The following RPS6KA2 variants were observed in gnomAD, a reference collection of about 807,000 sequenced individuals.
The protein encoded by RPS6KA2 is ribosomal protein S6 kinase A2.
Under a neutral mutation model 91.8 loss-of-function variants are expected in RPS6KA2, and 42 were observed. The observed-to-expected ratio is 0.46, with a 90% confidence interval of 0.36 to 0.59. RPS6KA2 has a LOEUF of 0.59. Ranked by LOEUF, RPS6KA2 falls within the 20% of genes least tolerant of loss-of-function variation. The probability of loss-of-function intolerance (pLI) is 0.00; values close to 1 mark genes in which losing one functional copy is unlikely to be tolerated. For missense variants in RPS6KA2, 798 were observed against 978.5 expected (o/e 0.82, Z 2.46); for synonymous variants, 414 against 393.6 (o/e 1.05, Z -0.61).
At chr6:166,531,740 AAG>A (rs1476051070) in intron 2 of RPS6KA2, among the ~76,000 whole-genome samples, 6,360 of 152,226 alleles carry the variant, frequency 0.042, 431 homozygotes, top group African/African-American at 0.15. Context: ...TTTTCAAGAA[AAG>A]CTACTTTCTC....
rs1396652609 is a variant in RPS6KA2 at position 166,441,238 on chromosome 6, TTC to T, written c.1332+7484_1332+7485del. ...GGCCTCTGTGCCTGTGAACGCTCCT[TTC>T]TCTGTTTCCACTGTGGCTGTGAAGG... On this transcript the variant is annotated intron_variant, in intron 14 of 20. Coordinates refer to ENST00000265678, the MANE Select transcript of RPS6KA2 (RefSeq NM_021135.6). 4.6e-5 allele frequency among the ~76,000 whole-genome samples: 7 copies of T among 152,312 alleles called. No individual in the cohort carries two copies. The East Asian group carries it at 1.2e-3, about 25-fold the overall frequency.
chr6:166,501,509 C>A (rs533023229), intron 6 of RPS6KA2, among the ~76,000 whole-genome samples: 2 of 152,342 alleles, frequency 1.3e-5, no homozygotes, highest in Admixed American at 6.5e-5. Context: ...GGCACCCCTG[C>A]GGGCCACTGG....
chr6:166,652,198 G>T (rs991370625), intron 2 of RPS6KA2, among the ~76,000 whole-genome samples: 1 of 152,190 alleles, frequency 6.6e-6, no homozygotes, highest in East Asian at 1.9e-4. Context: ...AGCCATTCGC[G>T]GGTATTATAT....
intron 2 of RPS6KA2, among the ~76,000 whole-genome samples, chr6:166,756,709 G>GC (rs1778019413): frequency 6.6e-6 from 1 of 152,186 alleles, no homozygotes; most frequent in Non-Finnish European, 1.5e-5. Flanking sequence ...AGCCAGGCAT[G>GC]GTGGCGCATG....
intron 11 of RPS6KA2, among the ~76,000 whole-genome samples, chr6:166,460,350 G>A (rs1458345132): frequency 1.3e-5 from 2 of 152,240 alleles, no homozygotes; most frequent in Non-Finnish European, 2.9e-5. Flanking sequence ...AGGGCAACAA[G>A]GCATTCTGTT....
chr6:166,422,807 G>A (rs867484856), intron 17 of RPS6KA2, among the ~76,000 whole-genome samples: 7 of 152,120 alleles, frequency 4.6e-5, no homozygotes, highest in South Asian at 4.1e-4. Context: ...TGCTGCTGTC[G>A]GGGAACCAAT....
At chr6:166,813,431 T>C (rs1468717328) in intron 2 of RPS6KA2, among the ~76,000 whole-genome samples, 1 of 152,208 alleles carries the variant, frequency 6.6e-6, no homozygotes, top group Non-Finnish European at 1.5e-5. Context: ...CATTTTATGA[T>C]TTGTTTTCCG....
At chr6:166,708,407 A>T (rs60986945) in intron 2 of RPS6KA2, among the ~76,000 whole-genome samples, 3,376 of 152,338 alleles carry the variant, frequency 0.022, 124 homozygotes, top group African/African-American at 0.077. Flanking sequence ...CACTTTTAAG[A>T]ATAGTTAACC....
In RPS6KA2 at chr6:166,555,806, C is replaced by T. The variant is rs370168422; in HGVS notation, c.100-17022G>A. On this transcript the variant is annotated intron_variant, in intron 1 of 20. Transcript: ENST00000265678. ...TACCCAGATAGGTCCTTCATCTGGG[C>T]GTCATCAGAGAGGTGGGCTGCTGTC... 5.5e-4 allele frequency among the ~76,000 whole-genome samples: 84 copies of T among 152,194 alleles called. 1 individual carries two copies. The highest frequency in any genetic ancestry group is 1.7e-3 in the African/African-American group (70 of 41,504).
chr6:166,458,412 G>A (rs1270147869), intron 12 of RPS6KA2, among the ~76,000 whole-genome samples: 1 of 152,152 alleles, frequency 6.6e-6, no homozygotes, highest in Non-Finnish European at 1.5e-5. Context: ...CTTCTGCCAC[G>A]ATTGTGAGGC....
At chr6:166,530,768 G>T (rs1462607972) in intron 3 of RPS6KA2, among the ~76,000 whole-genome samples, 2 of 152,270 alleles carry the variant, frequency 1.3e-5, no homozygotes, top group Non-Finnish European at 2.9e-5. Flanking sequence ...CTTGCAGGAT[G>T]GGCGTGCAGA....
chr6:166,499,558 A>G (rs1227392670), intron 7 of RPS6KA2, among the ~76,000 whole-genome samples: 1 of 152,170 alleles, frequency 6.6e-6, no homozygotes, highest in East Asian at 1.9e-4. Context: ...AAGACTCACG[A>G]GATCTGATGG....
chr6:166,503,491 C>T (rs915780295), intron 6 of RPS6KA2, among the ~76,000 whole-genome samples: 1 of 152,172 alleles, frequency 6.6e-6, no homozygotes, highest in African/African-American at 2.4e-5. Context: ...ACCCCAGGGC[C>T]CCCCCTTGGT....
At chr6:166,510,225 TG>T in intron 4 of RPS6KA2, 51 bp downstream of exon 4, 1 of 1,082,242 alleles carries the variant, frequency 9.2e-7, no homozygotes, top group Non-Finnish European at 1.4e-6. Flanking sequence ...TTCTTTGATC[TG>T]GAGAAGGTTG....
chr6:166,608,015 GAAA>G (rs35201506), intron 1 of RPS6KA2, among the ~76,000 whole-genome samples: 1 of 128,186 alleles, frequency 7.8e-6, no homozygotes, highest in Non-Finnish European at 1.7e-5. Context: ...GTCTCAGAAA[GAAA>G]AAAAAAAAAA....
chr6:166,436,093 C>G (rs1224196828), intron 14 of RPS6KA2, among the ~76,000 whole-genome samples: 1 of 152,166 alleles, frequency 6.6e-6, no homozygotes, highest in African/African-American at 2.4e-5. Context: ...CCCTGGTACA[C>G]AGAAAGCACT....
chr6:166,521,393 A>G (rs1782850221), intron 3 of RPS6KA2, among the ~76,000 whole-genome samples: 1 of 152,252 alleles, frequency 6.6e-6, no homozygotes, highest in East Asian at 1.9e-4. Context: ...CCCCTGCTCC[A>G]GTGGGTCTGG....
intron 2 of RPS6KA2, among the ~76,000 whole-genome samples, chr6:166,681,647 C>G (rs922555833): frequency 2.0e-5 from 3 of 150,820 alleles, no homozygotes; most frequent in African/African-American, 7.4e-5. Context: ...TTTTGTGATT[C>G]CAGCTCACAG....
At chr6:166,707,613 T>C (rs1279290448) in intron 2 of RPS6KA2, among the ~76,000 whole-genome samples, 2 of 151,636 alleles carry the variant, frequency 1.3e-5, no homozygotes, top group Non-Finnish European at 2.9e-5. Context: ...AAGGAGGAGG[T>C]CCAGACAGGT....
Sources: gnomAD v4.1 joint callset for allele counts (sites outside exome capture counted in the v4.1 genomes callset) on GRCh38, gnomAD v4.1.1 for gene constraint, MANE v1.5 for transcripts, NCBI Gene and HGNC (gene_info 2026-07-23, HGNC 2026-07-21) for gene names.